The following PARN variants were observed in gnomAD, a reference collection of about 807,000 sequenced individuals.
The protein encoded by PARN is poly(A)-specific ribonuclease PARN.
Under a neutral mutation model 102.8 loss-of-function variants are expected in PARN, and 71 were observed. That is an observed-to-expected ratio of 0.69 (90% CI 0.57 to 0.84). The LOEUF (loss-of-function observed/expected upper bound fraction) is 0.84, where lower values mean the gene tolerates loss of function less well. PARN is among the 40% of genes least tolerant of loss of function. The pLI, the probability that PARN is intolerant of heterozygous loss-of-function variation, is 0.00. For synonymous variants in PARN, 261 were observed against 252.9 expected (o/e 1.03, Z -0.30); for missense variants, 782 against 760.9 (o/e 1.03, Z -0.33).
At chr16:14,629,798 AC>A in intron 1 of PARN, 124 bp from the exon 2 acceptor site, 1 of 771,644 alleles carries the variant, frequency 1.3e-6, no homozygotes, top group Non-Finnish European at 2.2e-6. Flanking sequence ...GGAGGTGTGC[AC>A]CGGGGCGAGG....
intron 5 of PARN, among the ~76,000 whole-genome samples, chr16:14,622,761 C>A (rs61125990): frequency 6.6e-6 from 1 of 152,210 alleles, no homozygotes; most frequent in African/African-American, 2.4e-5. Context: ...CCGACTTGGC[C>A]TCCCAAAGTG....
At chr16:14,513,315 A>G (rs1965299168) in intron 21 of PARN, among the ~76,000 whole-genome samples, 1 of 152,200 alleles carries the variant, frequency 6.6e-6, no homozygotes, top group African/African-American at 2.4e-5. Flanking sequence ...TAATACAAAC[A>G]TGAACTATTT....
intron 11 of PARN, among the ~76,000 whole-genome samples, chr16:14,600,423 A>G (rs1241553735): frequency 6.6e-6 from 1 of 152,004 alleles, no homozygotes; most frequent in Non-Finnish European, 1.5e-5. Context: ...AAATTCTCCC[A>G]CCCACCTTCT....
At chr16:14,455,663 T>C (rs1268237104) in intron 22 of PARN, among the ~76,000 whole-genome samples, 1 of 152,070 alleles carries the variant, frequency 6.6e-6, no homozygotes, top group Non-Finnish European at 1.5e-5. Context: ...AGTATACTCA[T>C]GTGCAAAACT....
At chr16:14,560,159 T>A (rs1022524905) in intron 18 of PARN, among the ~76,000 whole-genome samples, 1 of 152,230 alleles carries the variant, frequency 6.6e-6, no homozygotes, top group Non-Finnish European at 1.5e-5. Context: ...TTGACAGTTT[T>A]CATCCTAGCA....
chr16:14,445,469 A>G (rs1307486335), intron 23 of PARN, among the ~76,000 whole-genome samples: 1 of 152,234 alleles, frequency 6.6e-6, no homozygotes, highest in East Asian at 1.9e-4. Flanking sequence ...TAACCGTGAC[A>G]ACTGTCACGA....
intron 22 of PARN, among the ~76,000 whole-genome samples, chr16:14,461,729 C>A (rs1371362413): frequency 6.6e-6 from 1 of 152,212 alleles, no homozygotes; most frequent in Non-Finnish European, 1.5e-5. Flanking sequence ...ATTTGAATTT[C>A]ACTTCCAACA....
At chr16:14,464,126 A>G (rs191938893) in intron 22 of PARN, among the ~76,000 whole-genome samples, 5 of 152,322 alleles carry the variant, frequency 3.3e-5, no homozygotes, top group African/African-American at 1.2e-4. Context: ...TACAGGCATG[A>G]GCCACTGCAC....
chr16:14,580,077 A>C (rs1350640761), intron 18 of PARN, among the ~76,000 whole-genome samples: 1 of 152,008 alleles, frequency 6.6e-6, no homozygotes, highest in Non-Finnish European at 1.5e-5. Flanking sequence ...ACACTGCCCC[A>C]AAAAATAAAA....
At chr16:14,437,935 A>T (rs1232849652) in intron 23 of PARN, among the ~76,000 whole-genome samples, 27 of 152,196 alleles carry the variant, frequency 1.8e-4, no homozygotes, top group Admixed American at 1.8e-3. Context: ...TAACATGAGA[A>T]TTTCTACTTC....
At chr16:14,589,157 G>A (rs1344901748) in intron 13 of PARN, among the ~76,000 whole-genome samples, 1 of 151,924 alleles carries the variant, frequency 6.6e-6, no homozygotes, top group Non-Finnish European at 1.5e-5. Context: ...TCCACCCTGG[G>A]CCACAGAGCA....
In PARN at chr16:14,566,762, T is replaced by G. The variant is rs141189782; in HGVS notation, c.1263-11053A>C. On this transcript the variant is annotated intron_variant, in intron 18 of 23. Transcript: ENST00000437198. ...AGAGAGAAATGTACTTTAAAGTAAC[T>G]AGAGCAAACACAAGACTAGAACAGC... 4.6e-3 allele frequency among the ~76,000 whole-genome samples: 701 copies of G among 152,280 alleles called. 6 individuals are homozygous for G. Among genetic ancestry groups the G allele is most frequent in the Non-Finnish European group, 4.6e-3 (312 of 68,024 alleles).
At position 14,582,168 on chromosome 16, in the gene PARN, A is replaced by G. The variant is rs770353116; in HGVS notation, c.1192+13T>C. ...ATCACTGCGTGTTTGACTGAAAGACATGTAATGCGTACCTAGGTAATTGGC... is the reference window on the plus strand; with the variant it reads ...ATCACTGCGTGTTTGACTGAAAGACGTGTAATGCGTACCTAGGTAATTGGC... On this transcript the variant is annotated intron_variant, in intron 17 of 23. Coordinates refer to ENST00000437198, the MANE Select transcript of PARN (RefSeq NM_002582.4). 6 of 1,504,486 alleles carry G rather than the reference A, an allele frequency of 4.0e-6. No homozygotes were observed. Among genetic ancestry groups the G allele is most frequent in the Non-Finnish European group, 5.6e-6 (6 of 1,079,754 alleles). The allele number at this position is 1,504,486 out of a possible 1,614,324, so 93.2% of individuals were successfully genotyped here. A position where few individuals can be genotyped will look rare whatever the true frequency, so the allele number is the denominator to read the frequency against.
chr16:14,618,787 CCT>C (rs1567459551), intron 5 of PARN, among the ~76,000 whole-genome samples: 2 of 152,108 alleles, frequency 1.3e-5, no homozygotes, highest in Non-Finnish European at 2.9e-5. Flanking sequence ...ATTTTATTAC[CCT>C]GTCCCAGGTT....
At chr16:14,630,024 A>G in intron 1 of PARN, 83 bp downstream of exon 1, 1 of 1,306,630 alleles carries the variant, frequency 7.7e-7, no homozygotes, top group Non-Finnish European at 1.1e-6. Flanking sequence ...AGGCCCAGCC[A>G]AACACGCCGG....
chr16:14,615,830 G>C (rs979444293), intron 6 of PARN, among the ~76,000 whole-genome samples: 3 of 151,816 alleles, frequency 2.0e-5, no homozygotes, highest in Non-Finnish European at 2.9e-5. Context: ...GAACCTGTTA[G>C]GTGGAGGCTG....
chr16:14,592,272 C>A (rs917464786), intron 13 of PARN, among the ~76,000 whole-genome samples: 1 of 152,168 alleles, frequency 6.6e-6, no homozygotes, highest in African/African-American at 2.4e-5. Context: ...TTCAAAACAA[C>A]ACTTAGTCTG....
At chr16:14,477,353 A>T (rs1412255779) in intron 22 of PARN, among the ~76,000 whole-genome samples, 1 of 151,508 alleles carries the variant, frequency 6.6e-6, no homozygotes, top group Non-Finnish European at 1.5e-5. Flanking sequence ...AGGCAGGAGA[A>T]TCTCCTGAAC....
chr16:14,623,552 T>C (rs1972453315), intron 5 of PARN, among the ~76,000 whole-genome samples: 1 of 149,332 alleles, frequency 6.7e-6, no homozygotes, highest in African/African-American at 2.5e-5. Context: ...AAGAAACACA[T>C]CTGGCCAGGC....
Sources: allele counts gnomAD v4.1 joint callset (sites outside exome capture counted in the v4.1 genomes callset), GRCh38; gene constraint gnomAD v4.1.1; transcripts MANE v1.5; gene names NCBI Gene and HGNC (gene_info 2026-07-23, HGNC 2026-07-21).